ZGRF1: variants seen among roughly 807,000 people sequenced by gnomAD.
The protein encoded by ZGRF1 is 5'-3' DNA helicase ZGRF1.
A neutral mutation model predicts 203.5 loss-of-function variants in ZGRF1; 196 were observed. The observed-to-expected ratio is 0.96, with a 90% CI of 0.86 to 1.08. The LOEUF is 1.08. Ranked by LOEUF, ZGRF1 falls within the 50% of genes least tolerant of loss-of-function variation. The probability of loss-of-function intolerance (pLI) is 0.00; values close to 1 mark genes in which losing one functional copy is unlikely to be tolerated. For synonymous variants in ZGRF1, 809 were observed against 841.3 expected, an observed-to-expected ratio of 0.96 and a Z score of 0.66; for missense variants, 2,326 against 2,416.3, an observed-to-expected ratio of 0.96 and a Z score of 0.78.
At chr4:112,562,110 T>G (rs888791419) in intron 18 of ZGRF1, among the ~76,000 whole-genome samples, 22 of 152,112 alleles carry the variant, frequency 1.4e-4, no homozygotes, top group Non-Finnish European at 3.2e-4. Flanking sequence ...GGTTTCTCCA[T>G]GTTGGTCAGG....
intron 4 of ZGRF1, among the ~76,000 whole-genome samples, chr4:112,621,813 G>A (rs567824817): frequency 3.3e-5 from 5 of 150,574 alleles, no homozygotes; most frequent in East Asian, 2.0e-4. Context: ...CCGAACCTCC[G>A]CCTCCCAGGT....
chr4:112,611,317 C>G (rs1751537095), intron 7 of ZGRF1, among the ~76,000 whole-genome samples: 1 of 152,134 alleles, frequency 6.6e-6, no homozygotes, highest in African/African-American at 2.4e-5. Context: ...GCAGGAGAAT[C>G]ACTTGAACCT....
Position 112,548,381 on chromosome 4 carries a change from CT to C in ZGRF1, c.5347-2del. On this transcript the variant is annotated splice_acceptor_variant, in intron 22 of 27. Transcript: ENST00000505019. LOFTEE classifies it high-confidence loss of function. ...CACAGGTAACTCCAACTACTCGAAC[CT>C]TTATTACAACAAAAATGTTATTAAT... The C allele has an allele frequency of 6.5e-7, 1 of 1,545,826 alleles. No homozygotes were observed. The highest frequency in any genetic ancestry group is 8.7e-7 in the Non-Finnish European group (1 of 1,144,158).
intron 16 of ZGRF1, among the ~76,000 whole-genome samples, chr4:112,581,321 T>G (rs1176578911): frequency 9.4e-5 from 14 of 148,826 alleles, no homozygotes; most frequent in African/African-American, 2.7e-4. Flanking sequence ...GAGATATACC[T>G]AATGTTAAAT....
At chr4:112,550,248 A>C (rs908188288) in intron 22 of ZGRF1, among the ~76,000 whole-genome samples, 1 of 151,958 alleles carries the variant, frequency 6.6e-6, no homozygotes, top group Admixed American at 6.6e-5. Context: ...GGTGGAAGAC[A>C]GTGCTATATT....
intron 9 of ZGRF1, among the ~76,000 whole-genome samples, chr4:112,605,301 C>A (rs1432079343): frequency 6.6e-6 from 1 of 152,132 alleles, no homozygotes. Flanking sequence ...GCTGGGACTA[C>A]AGGTGTGTAC....
chr4:112,596,970 T>C (rs553257599), intron 10 of ZGRF1, among the ~76,000 whole-genome samples: 1 of 152,080 alleles, frequency 6.6e-6, no homozygotes, highest in South Asian at 2.1e-4. Context: ...TCCTAGCACT[T>C]TGGGAGGCTG....
At position 112,564,890 on chromosome 4, in the gene ZGRF1, G is replaced by A. The variant is rs1191199455; in HGVS notation, c.4439-1616C>T. ...TTTTTACTGAATTGTGTTCGCAGCC[G>A]CCACCGCGCCGCCGTCGCTCTCCAA... is the stretch of plus-strand genomic sequence containing the variant. On this transcript the variant is annotated intron_variant, in intron 16 of 27. Coordinates refer to ENST00000505019, the MANE Select transcript of ZGRF1 (RefSeq NM_018392.5). 7.8e-6 allele frequency: 5 copies of A among 640,736 alleles called. No homozygotes were observed. The East Asian group carries it at 1.4e-4, about 17-fold the overall frequency. The allele number at this position is 640,736 out of a possible 1,614,324, so 39.7% of individuals were successfully genotyped here. A position where few individuals can be genotyped will look rare whatever the true frequency, so the allele number is the denominator to read the frequency against.
chr4:112,550,703 C>T (rs2148849011), intron 22 of ZGRF1, among the ~76,000 whole-genome samples: 1 of 152,116 alleles, frequency 6.6e-6, no homozygotes, highest in Middle Eastern at 3.4e-3. Context: ...AAATACAAAA[C>T]TTAGCCAGGC....
At chr4:112,623,433 A>G (rs1459279087) in intron 4 of ZGRF1, among the ~76,000 whole-genome samples, 1 of 152,202 alleles carries the variant, frequency 6.6e-6, no homozygotes, top group Admixed American at 6.5e-5. Context: ...ATTATACTTA[A>G]ATGAGAATAT....
At chr4:112,635,723 C>T (rs887315885) in intron 1 of ZGRF1, among the ~76,000 whole-genome samples, 4 of 150,966 alleles carry the variant, frequency 2.6e-5, no homozygotes, top group Non-Finnish European at 5.9e-5. Flanking sequence ...AGGAATTGGA[C>T]GAGATACTTT....
intron 16 of ZGRF1, among the ~76,000 whole-genome samples, chr4:112,569,523 G>C (rs1418515867): frequency 6.6e-6 from 1 of 152,152 alleles, no homozygotes; most frequent in Admixed American, 6.5e-5. Context: ...TTTGTCAACT[G>C]GGGGCAGGGC....
chr4:112,541,231 C>G lies in ZGRF1; in HGVS notation c.5636G>C (p.Cys1879Ser). 6 of 1,607,684 alleles carry G rather than the reference C, an allele frequency of 3.7e-6. No homozygotes were observed. The highest frequency in any genetic ancestry group is 4.3e-6 in the Non-Finnish European group (5 of 1,175,882). The change falls in exon 25 of 28, where the codon TGT (cysteine) becomes TCT (serine). Residue 1879 changes from cysteine to serine, a missense_variant. Transcript: ENST00000505019. ...KPILLRTQYR[C>S]HPAISAIAND... The stretch of plus-strand genomic sequence containing the variant: ...AGCAATAGCACTGATTGCAGGATGA[C>G]AACGGTATTGAGTTCTCAATAGAAT...
intron 11 of ZGRF1, among the ~76,000 whole-genome samples, chr4:112,588,588 T>G (rs1006171963): frequency 3.3e-5 from 5 of 152,194 alleles, no homozygotes; most frequent in African/African-American, 1.2e-4. Flanking sequence ...TGTCAGCAGC[T>G]TTAGTGATAT....
chr4:112,618,436 T>C lies in ZGRF1; in HGVS notation c.1606A>G (p.Asn536Asp). 6.2e-7 allele frequency: 1 copy of C among 1,613,876 alleles called. No homozygotes were observed. Residue 536 changes from asparagine (N) to aspartate (D), a missense_variant, in exon 6 of 28, where the codon AAT becomes GAT. Asn to Asp is a conservative substitution (Grantham distance 23). Transcript: ENST00000505019. The part of the protein sequence containing the change: ...PFLEVTFNLN[N>D]FETSDTEEES... ...TCCTCAGTGTCACTGGTCTCAAAATTGTTCAGATTAAAAGTTACCTCCAAA... is the reference window on the plus strand; with the variant it reads ...TCCTCAGTGTCACTGGTCTCAAAATCGTTCAGATTAAAAGTTACCTCCAAA...
At chr4:112,589,436 G>A (rs1333899348) in intron 11 of ZGRF1, among the ~76,000 whole-genome samples, 1 of 152,172 alleles carries the variant, frequency 6.6e-6, no homozygotes, top group East Asian at 1.9e-4. Context: ...TCAGATGCTG[G>A]AGTTACAGCT....
chr4:112,615,554 T>G (rs2046837246), intron 6 of ZGRF1, among the ~76,000 whole-genome samples: 1 of 150,808 alleles, frequency 6.6e-6, no homozygotes, highest in Non-Finnish European at 1.5e-5. Flanking sequence ...TCCCTAAATC[T>G]CCATGCTAGA....
In ZGRF1 at chr4:112,563,137, T is replaced by C; in HGVS notation, c.4576A>G (p.Thr1526Ala). 6.5e-7 allele frequency: 1 copy of C among 1,548,376 alleles called. No individual in the cohort carries two copies. Among genetic ancestry groups the C allele is most frequent in the Non-Finnish European group, 8.7e-7 (1 of 1,144,876 alleles). Residue 1526 changes from threonine to alanine, a missense_variant, in exon 17 of 28, where the codon ACT (threonine) becomes GCT (alanine). Coordinates refer to ENST00000505019, the MANE Select transcript of ZGRF1 (RefSeq NM_018392.5). ...LKGYFPSNWP[T>A]NMVVHALLVC... is the part of the protein sequence containing the mutation. ...TGAGCATAGTAATACTCACTGTTAG[T>C]GGGCCAATTAGAAGGGAAATAGCCT...
chr4:112,628,590 T>TC (rs1392079928), intron 3 of ZGRF1: 13 of 455,938 alleles, frequency 2.9e-5, no homozygotes, highest in Non-Finnish European at 5.7e-5. Context: ...TTGAGGGCGT[T>TC]ATTTAGGAAA....
Sources: allele counts gnomAD v4.1 joint callset (sites outside exome capture counted in the v4.1 genomes callset), GRCh38; gene constraint gnomAD v4.1.1; transcripts MANE v1.5; gene names NCBI Gene and HGNC (gene_info 2026-07-23, HGNC 2026-07-21).